The following WIPI1 variants were observed in gnomAD, a reference collection of about 807,000 sequenced individuals.
WIPI1 encodes WD repeat domain, phosphoinositide interacting 1, also known as WD repeat domain phosphoinositide-interacting protein 1.
A neutral mutation model predicts 55.3 loss-of-function variants in WIPI1; 45 were observed. The ratio of observed to expected loss-of-function variants is 0.81; its 90% CI spans 0.64 to 1.04. WIPI1 has a LOEUF of 1.04. WIPI1 is among the 50% of genes least tolerant of loss of function. The pLI, the probability that WIPI1 is intolerant of heterozygous loss-of-function variation, is 0.00. For synonymous variants in WIPI1, 195 were observed against 217.6 expected (o/e 0.90, Z 0.92); for missense variants, 445 against 559.0 (o/e 0.80, Z 2.06).
In WIPI1 at chr17:68,431,686, C is replaced by G. The variant is rs944806476; in HGVS notation, c.801-1526G>C. 1.0e-3 allele frequency among the ~76,000 whole-genome samples: 11 copies of G among 11,054 alleles called. No individual in the cohort carries two copies. The South Asian group carries it at 0.027, about 27-fold the overall frequency. 7.3% of individuals were successfully genotyped at this position (11,054 alleles called of 152,430 possible). Reference sequence around the variant, plus strand: ...GGACCAGCACGAGGTGCTAAAGACACGTTCAAGGGCCCTGGCCAGCGAAGC... The same window carrying G: ...GGACCAGCACGAGGTGCTAAAGACAGGTTCAAGGGCCCTGGCCAGCGAAGC... On this transcript the variant is annotated intron_variant, in intron 8 of 12. Coordinates refer to ENST00000262139, the MANE Select transcript of WIPI1 (RefSeq NM_017983.7).
chr17:68,457,452 G>A lies in WIPI1; in HGVS notation c.-31C>T. 2.0e-6 allele frequency: 3 copies of A among 1,470,656 alleles called. No individual in the cohort carries two copies. The highest frequency in any genetic ancestry group is 1.3e-5 in the South Asian group (1 of 75,670). 91.1% of individuals were successfully genotyped at this position (1,470,656 alleles called of 1,614,324 possible). A position where few individuals can be genotyped will look rare whatever the true frequency, so the allele number is the denominator to read the frequency against. On this transcript the variant is annotated 5_prime_UTR_variant, in exon 1 of 13. Transcript: ENST00000262139. ...GCTCGGCCCGGGAAGCCGCAGCTCG[G>A]AGCCGGCGACAGCCACCTCAGCAGC...
chr17:68,422,143 T>G (rs982842607), intron 12 of WIPI1: 1 of 267,582 alleles, frequency 3.7e-6, no homozygotes, highest in Non-Finnish European at 7.3e-6. Context: ...AAAAGTCAGT[T>G]TAGGCTGGGC....
chr17:68,444,080 C>G (rs2084187144), intron 4 of WIPI1, among the ~76,000 whole-genome samples: 1 of 152,188 alleles, frequency 6.6e-6, no homozygotes, highest in Admixed American at 6.5e-5. Context: ...TTCAGATTGT[C>G]TTTTTGCTGG....
At chr17:68,430,625 G>A (rs76330364) in intron 8 of WIPI1, among the ~76,000 whole-genome samples, 3,045 of 152,286 alleles carry the variant, frequency 0.02, 108 homozygotes, top group African/African-American at 0.069. Flanking sequence ...ACTTTGGGTG[G>A]TGTTTGATTG....
intron 7 of WIPI1, among the ~76,000 whole-genome samples, chr17:68,434,199 A>G (rs538135996): frequency 2.0e-5 from 3 of 152,298 alleles, no homozygotes; most frequent in African/African-American, 7.2e-5. Flanking sequence ...GCAAACCTAC[A>G]TCCGATAAGA....
At chr17:68,445,718 G>A (rs986627319) in intron 3 of WIPI1, among the ~76,000 whole-genome samples, 1 of 152,180 alleles carries the variant, frequency 6.6e-6, no homozygotes, top group East Asian at 1.9e-4. Flanking sequence ...GGAATATAAC[G>A]CATAGCCCAG....
intron 12 of WIPI1, chr17:68,422,023 T>TA: frequency 1.7e-6 from 1 of 605,786 alleles, no homozygotes; most frequent in Non-Finnish European, 3.0e-6. Context: ...TTCTAGAAAA[T>TA]ACTGACTATA....
chr17:68,426,731 CA>C (rs1337854845), intron 11 of WIPI1, among the ~76,000 whole-genome samples: 1 of 152,126 alleles, frequency 6.6e-6, no homozygotes, highest in Non-Finnish European at 1.5e-5. Context: ...GATGGGGTTT[CA>C]CCATGTTGGC....
Position 68,428,908 on chromosome 17 carries a change from C to A in WIPI1, c.994G>T (p.Ala332Ser). The A allele has an allele frequency of 6.2e-7, 1 of 1,614,098 alleles. No homozygotes were observed. Among genetic ancestry groups the A allele is most frequent in the Non-Finnish European group, 8.5e-7 (1 of 1,179,984 alleles). The change falls in exon 10 of 13, where the codon GCG (alanine) becomes TCG (serine). Residue 332 changes from alanine (A) to serine (S), a missense_variant. Ala to Ser is a moderately conservative substitution (Grantham distance 99, BLOSUM62 1). Coordinates refer to ENST00000262139, the MANE Select transcript of WIPI1 (RefSeq NM_017983.7). ...ATATAAAGGTGTCCACTGGATGACG[C>A]AACTAGCAGCCGTGGCAACTTCTGG... is the stretch of plus-strand genomic sequence containing the variant. ...TIQKLPRLLV[A>S]SSSGHLYMYN...
At chr17:68,456,204 A>G (rs1315895386) in intron 1 of WIPI1, among the ~76,000 whole-genome samples, 2 of 152,252 alleles carry the variant, frequency 1.3e-5, no homozygotes, top group African/African-American at 2.4e-5. Flanking sequence ...GAGCTACTCG[A>G]TTACATGATT....
Position 68,421,766 on chromosome 17 carries a change from C to T in WIPI1, c.*7G>A. 1.2e-6 allele frequency: 2 copies of T among 1,614,180 alleles called. No homozygotes were observed. Among genetic ancestry groups the T allele is most frequent in the Non-Finnish European group, 1.7e-6 (2 of 1,180,028 alleles). On this transcript the variant is annotated 3_prime_UTR_variant, in exon 13 of 13. Coordinates refer to ENST00000262139, the MANE Select transcript of WIPI1 (RefSeq NM_017983.7). ...GGGATGTCCTGATTTCTGAGGTGTG[C>T]TTCTCATCATGACTGCTTCGTTTTG...
chr17:68,421,736 TA>T lies in WIPI1; in HGVS notation c.*36del, dbSNP rs547155514. The T allele has an allele frequency of 7.4e-4, 1,190 of 1,613,970 alleles. 7 individuals are homozygous for T. In the African/African-American group the frequency reaches 0.011, roughly 15 times the overall value. On this transcript the variant is annotated 3_prime_UTR_variant, in exon 13 of 13. Coordinates refer to ENST00000262139, the MANE Select transcript of WIPI1 (RefSeq NM_017983.7). ...CCTTGTTTTCTCCAAAACCACCTGATAGGGGGGATGTCCTGATTTCTGAGGT... is the reference window on the plus strand; with the variant it reads ...CCTTGTTTTCTCCAAAACCACCTGATGGGGGGATGTCCTGATTTCTGAGGT...
At chr17:68,444,650 C>T in intron 3 of WIPI1, 61 bp from the exon 4 acceptor site, 1 of 1,373,508 alleles carries the variant, frequency 7.3e-7, no homozygotes, top group Non-Finnish European at 1.0e-6. Flanking sequence ...CTGACCAAAT[C>T]CAAATCATTC....
chr17:68,448,371 A>G (rs1354595075), intron 3 of WIPI1: 1 of 152,228 alleles, frequency 6.6e-6, no homozygotes, highest in African/African-American at 2.4e-5. Flanking sequence ...TATTGGTTCC[A>G]ATGAACCGAT....
intron 4 of WIPI1, among the ~76,000 whole-genome samples, chr17:68,436,997 AAAAAAAAAATATAT>A (rs763539735): frequency 2.2e-4 from 13 of 58,988 alleles, no homozygotes; most frequent in Admixed American, 3.6e-4. Flanking sequence ...CCGTCTCAAA[AAAAAAAAAATATAT>A]ATATATGTGT....
In WIPI1 at chr17:68,427,268, CAAG is replaced by C. The variant is rs2147774434; in HGVS notation, c.1074-18_1074-16del. The C allele has an allele frequency of 3.1e-6, 5 of 1,596,034 alleles. No homozygotes were observed. The East Asian group carries it at 1.1e-4, about 36-fold the overall frequency. ...AGCCAAGCAAGCTACTTGTGACAAT[CAAG>C]AGGAGGTGAAAGAAAAAAGAAATCA... On this transcript the variant is annotated splice_polypyrimidine_tract_variant and intron_variant, in intron 10 of 12. Transcript: ENST00000262139.
chr17:68,430,123 C>T lies in WIPI1; in HGVS notation c.838G>A (p.Gly280Arg), dbSNP rs756847095. The T allele has an allele frequency of 6.2e-6, 10 of 1,614,034 alleles. No individual in the cohort carries two copies. The highest frequency in any genetic ancestry group is 6.8e-6 in the Non-Finnish European group (8 of 1,179,992). ...EEPSTWSGYMGKMFMAATNYL... is the reference protein window; with the variant it reads ...EEPSTWSGYMRKMFMAATNYL... ...TTGGTAGCAGCCATAAACATCTTTC[C>T]CATGTAGCCACTCCAGGTCGAAGGC... The change falls in exon 9 of 13, where the codon GGA becomes AGA. Residue 280 changes from glycine to arginine, a missense_variant. Coordinates refer to ENST00000262139, the MANE Select transcript of WIPI1 (RefSeq NM_017983.7).
intron 4 of WIPI1, among the ~76,000 whole-genome samples, chr17:68,438,880 G>A (rs962638089): frequency 6.6e-6 from 1 of 152,222 alleles, no homozygotes; most frequent in African/African-American, 2.4e-5. Flanking sequence ...GATTACAGGC[G>A]TGAGCCATCG....
intron 8 of WIPI1, 71 bp downstream of exon 8, chr17:68,433,397 C>T (rs751608673): frequency 3.3e-5 from 44 of 1,327,126 alleles, no homozygotes; most frequent in Non-Finnish European, 4.7e-5. Flanking sequence ...AGAGATCATT[C>T]ATGCCAGTAG....
Sources: allele counts gnomAD v4.1 joint callset (sites outside exome capture counted in the v4.1 genomes callset), GRCh38; gene constraint gnomAD v4.1.1; transcripts MANE v1.5; gene names NCBI Gene and HGNC (gene_info 2026-07-23, HGNC 2026-07-21).